Variants in NRG1 observed in about 807,000 individuals in gnomAD.
The protein encoded by NRG1 is pro-neuregulin-1, membrane-bound isoform.
Under a neutral mutation model 63.8 loss-of-function variants are expected in NRG1, and 18 were observed. The ratio of observed to expected loss-of-function variants is 0.28; its 90% CI spans 0.19 to 0.42. The LOEUF is 0.42. Ranked by LOEUF, NRG1 falls within the 10% of genes least tolerant of loss-of-function variation. The pLI is 1.00. For missense variants in NRG1, 762 were observed against 814.7 expected (o/e 0.94, Z 0.79); for synonymous variants, 302 against 301.3 (o/e 1.00, Z -0.02).
chr8:32,340,137 T>C (rs767820597), intron 1 of NRG1, among the ~76,000 whole-genome samples: 2 of 152,196 alleles, frequency 1.3e-5, no homozygotes, highest in Non-Finnish European at 2.9e-5. Context: ...AAGAGATTAA[T>C]TGGCATTTAA....
chr8:32,378,076 T>C (rs753147856), intron 1 of NRG1, among the ~76,000 whole-genome samples: 4 of 152,116 alleles, frequency 2.6e-5, no homozygotes, highest in Non-Finnish European at 4.4e-5. Context: ...GGAGGGCCGC[T>C]TGTGGCTTAA....
At chr8:32,723,708 A>C (rs893580581) in intron 5 of NRG1, among the ~76,000 whole-genome samples, 12 of 149,036 alleles carry the variant, frequency 8.1e-5, no homozygotes, top group African/African-American at 2.0e-4. Context: ...AAAAAAAAAA[A>C]AAAAAAAAAA....
At chr8:32,179,598 C>T (rs1841211624) in intron 1 of NRG1, among the ~76,000 whole-genome samples, 1 of 152,184 alleles carries the variant, frequency 6.6e-6, no homozygotes, top group Non-Finnish European at 1.5e-5. Context: ...TTTACTGACC[C>T]TCTGTAACAG....
chr8:32,750,555 C>T (rs1828496058), intron 7 of NRG1, among the ~76,000 whole-genome samples: 1 of 152,070 alleles, frequency 6.6e-6, no homozygotes, highest in Non-Finnish European at 1.5e-5. Context: ...GCTTCAGGGA[C>T]ATCATGCAGC....
intron 1 of NRG1, among the ~76,000 whole-genome samples, chr8:32,110,847 C>T (rs1831921884): frequency 6.6e-6 from 1 of 152,132 alleles, no homozygotes; most frequent in African/African-American, 2.4e-5. Context: ...TAGAATGATG[C>T]GGTTTCCCAA....
chr8:32,771,715 A>AAAAAAAAAATATAT (rs1343943621), downstream of NRG1, among the ~76,000 whole-genome samples: 9 of 111,844 alleles, frequency 8.0e-5, no homozygotes, highest in Admixed American at 1.9e-4. Context: ...TTAAAAAAAA[A>AAAAAAAAAATATAT]ATATATATAT....
upstream of NRG1, chr8:32,548,113 G>C: frequency 5.8e-6 from 4 of 690,688 alleles, no homozygotes; most frequent in Non-Finnish European, 7.1e-6. Flanking sequence ...CAGCGCGGGA[G>C]GAAAAGGGGC....
At chr8:31,841,254 C>T (rs1290517828) in intron 1 of NRG1, among the ~76,000 whole-genome samples, 6 of 151,810 alleles carry the variant, frequency 4.0e-5, no homozygotes, top group Admixed American at 1.3e-4. Context: ...GGGTGGGCTT[C>T]TGGAGAGACA....
intron 5 of NRG1, among the ~76,000 whole-genome samples, chr8:32,655,314 C>G (rs187351409): frequency 2.0e-5 from 3 of 152,222 alleles, no homozygotes; most frequent in Non-Finnish European, 4.4e-5. Flanking sequence ...GCTAGAAACT[C>G]GAGATCAAAT....
At chr8:32,151,611 A>G (rs967379934) in intron 1 of NRG1, among the ~76,000 whole-genome samples, 2 of 152,126 alleles carry the variant, frequency 1.3e-5, no homozygotes, top group Non-Finnish European at 2.9e-5. Context: ...TCGGAAATGT[A>G]AGTCTCTATA....
chr8:32,106,646 T>C (rs1267116628), intron 1 of NRG1, among the ~76,000 whole-genome samples: 1 of 152,190 alleles, frequency 6.6e-6, no homozygotes, highest in Non-Finnish European at 1.5e-5. Flanking sequence ...ATATGACTAT[T>C]TTAATAAAAT....
At chr8:32,372,617 A>C (rs1809056205) in intron 1 of NRG1, among the ~76,000 whole-genome samples, 2 of 152,178 alleles carry the variant, frequency 1.3e-5, no homozygotes, top group South Asian at 4.1e-4. Flanking sequence ...TGGACACAAC[A>C]GTCTAAAAAG....
At chr8:32,751,669 CTG>C (rs1828762906) in intron 7 of NRG1, among the ~76,000 whole-genome samples, 1 of 152,194 alleles carries the variant, frequency 6.6e-6, no homozygotes, top group South Asian at 2.1e-4. Context: ...AATCCCACGT[CTG>C]TATTCTATGG....
chr8:32,535,551 C>T (rs1169011725), intron 1 of NRG1, among the ~76,000 whole-genome samples: 3 of 152,134 alleles, frequency 2.0e-5, no homozygotes, highest in African/African-American at 7.2e-5. Context: ...CTCCTTGGAC[C>T]CATGGACAAG....
At chr8:32,016,626 T>C (rs1278023856) in intron 1 of NRG1, among the ~76,000 whole-genome samples, 2 of 152,140 alleles carry the variant, frequency 1.3e-5, no homozygotes, top group Admixed American at 6.5e-5. Flanking sequence ...CTTAGGATGA[T>C]AATAGAAAAA....
At chr8:32,269,547 G>A (rs77346286) in intron 1 of NRG1, among the ~76,000 whole-genome samples, 14,123 of 152,108 alleles carry the variant, frequency 0.093, 867 homozygotes, top group Non-Finnish European at 0.13. Flanking sequence ...AACAAGGATG[G>A]GGCAGCAGCT....
intron 1 of NRG1, among the ~76,000 whole-genome samples, chr8:32,228,735 T>A: frequency 6.6e-6 from 1 of 151,936 alleles, no homozygotes; most frequent in Non-Finnish European, 1.5e-5. Context: ...ATTAGATCCA[T>A]ATGAAAGAAA....
At position 31,947,184 on chromosome 8, in the gene NRG1, C is replaced by T. The variant is rs1297766369; in HGVS notation, c.37+307753C>T. On this transcript the variant is annotated intron_variant, in intron 1 of 10. Transcript: ENST00000519301. ...GCGCGGTGGCGGGCGCCTGTAGTCCCAGCTACTCGGGAGGCTGAGGCAGGA... is the reference window on the plus strand; with the variant it reads ...GCGCGGTGGCGGGCGCCTGTAGTCCTAGCTACTCGGGAGGCTGAGGCAGGA... 4.0e-5 allele frequency among the ~76,000 whole-genome samples: 6 copies of T among 151,632 alleles called. No homozygotes were observed. The East Asian group carries it at 1.2e-3, about 30-fold the overall frequency.
At chr8:32,394,097 C>T in intron 1 of NRG1, among the ~76,000 whole-genome samples, 1 of 152,108 alleles carries the variant, frequency 6.6e-6, no homozygotes, top group East Asian at 1.9e-4. Flanking sequence ...TTCCTACTTC[C>T]TTTAATGTAA....
Sources: gnomAD v4.1 joint callset for allele counts (sites outside exome capture counted in the v4.1 genomes callset) on GRCh38, gnomAD v4.1.1 for gene constraint, MANE v1.5 for transcripts, NCBI Gene and HGNC (gene_info 2026-07-23, HGNC 2026-07-21) for gene names.